The following ZC2HC1C variants were observed in gnomAD, a reference collection of about 807,000 sequenced individuals.
The protein encoded by ZC2HC1C is zinc finger C2HC-type containing 1C, also known as zinc finger C2HC domain-containing protein 1C.
Under a neutral mutation model 39.2 loss-of-function variants are expected in ZC2HC1C, and 25 were observed. The observed-to-expected ratio is 0.64, with a 90% confidence interval of 0.47 to 0.89. The LOEUF (loss-of-function observed/expected upper bound fraction) is 0.89. Among genes scored for constraint, ZC2HC1C ranks in the 40% least tolerant of loss-of-function variants. The pLI is 0.00. For synonymous variants in ZC2HC1C, 209 were observed against 214.4 expected (o/e 0.97, Z 0.22); for missense variants, 519 against 548.6 (o/e 0.95, Z 0.54).
intron 2 of ZC2HC1C, among the ~76,000 whole-genome samples, chr14:75,074,904 A>G (rs1384410818): frequency 1.3e-5 from 2 of 152,082 alleles, no homozygotes; most frequent in African/African-American, 2.4e-5. Flanking sequence ...GCTGGGAGTG[A>G]AGTTCTCTTT....
intron 2 of ZC2HC1C, chr14:75,073,712 C>A: frequency 1.0e-6 from 1 of 972,772 alleles, no homozygotes; most frequent in Non-Finnish European, 1.4e-6. Flanking sequence ...GGACTGTAAG[C>A]ATTTTTGAGG....
chr14:75,073,766 G>A (rs1893534449), intron 2 of ZC2HC1C: 1 of 426,008 alleles, frequency 2.3e-6, no homozygotes. Flanking sequence ...AGTGTTAACT[G>A]AATAGAATTT....
At chr14:75,073,472 T>C in intron 2 of ZC2HC1C, 1 of 729,770 alleles carries the variant, frequency 1.4e-6, no homozygotes, top group Non-Finnish European at 2.1e-6. Context: ...TGGCAACTAG[T>C]TTGTGGGAAT....
At chr14:75,077,359 C>T (rs1272124168) in intron 2 of ZC2HC1C, among the ~76,000 whole-genome samples, 173 bp from the exon 3 acceptor site, 1 of 152,200 alleles carries the variant, frequency 6.6e-6, no homozygotes, top group Admixed American at 6.5e-5. Flanking sequence ...ACCTCCTTTG[C>T]AGGCCCTTGG....
intron 2 of ZC2HC1C, among the ~76,000 whole-genome samples, chr14:75,077,293 T>A (rs1353199179): frequency 6.6e-6 from 1 of 152,146 alleles, no homozygotes; most frequent in African/African-American, 2.4e-5. Context: ...TATCGGGTAC[T>A]TCCAAGCACT....
At chr14:75,073,651 T>C (rs1301032048) in intron 2 of ZC2HC1C, 21 of 1,286,886 alleles carry the variant, frequency 1.6e-5, no homozygotes, top group Non-Finnish European at 2.1e-5. Context: ...TTTCCTGGTA[T>C]CCTTTAATCT....
intron 2 of ZC2HC1C, among the ~76,000 whole-genome samples, chr14:75,076,424 A>C (rs1268986196): frequency 6.6e-6 from 1 of 152,012 alleles, no homozygotes; most frequent in African/African-American, 2.4e-5. Flanking sequence ...GTGTGCCACC[A>C]CGCCCAGCTA....
At chr14:75,072,111 T>C (rs1340186949) in intron 2 of ZC2HC1C, among the ~76,000 whole-genome samples, 200 bp downstream of exon 2, 1 of 152,234 alleles carries the variant, frequency 6.6e-6, no homozygotes, top group Admixed American at 6.5e-5. Context: ...TCTCATTGTA[T>C]CAGTTCAAAA....
rs1342529122 is a variant in ZC2HC1C, at chr14:75,078,456, A to G, written c.*892A>G. ...GGGTAGGGATGGGTGTTGGGGGGGA[A>G]ACACATTATACTTCTCTCTACTTGT... On this transcript the variant is annotated 3_prime_UTR_variant, in exon 3 of 3. Coordinates refer to ENST00000524913, the MANE Select transcript of ZC2HC1C (RefSeq NM_024643.4). The G allele has an allele frequency of 6.6e-6, 1 of 152,160 alleles. No individual in the cohort carries two copies. The highest frequency in any genetic ancestry group is 1.5e-5 in the Non-Finnish European group (1 of 68,026). 9.4% of individuals were successfully genotyped at this position (152,160 alleles called of 1,614,324 possible).
At chr14:75,076,660 CT>C (rs1375576359) in intron 2 of ZC2HC1C, among the ~76,000 whole-genome samples, 6 of 152,092 alleles carry the variant, frequency 3.9e-5, no homozygotes, top group Admixed American at 3.9e-4. Flanking sequence ...ACAGTATACT[CT>C]TCTTGTTTTA....
intron 2 of ZC2HC1C, among the ~76,000 whole-genome samples, chr14:75,072,690 A>G (rs1893484284): frequency 6.6e-6 from 1 of 152,214 alleles, no homozygotes; most frequent in Admixed American, 6.5e-5. Flanking sequence ...TAAATGAATG[A>G]CATGTCAAGG....
At chr14:75,077,437 T>G (rs1893728342) in intron 2 of ZC2HC1C, 95 bp from the exon 3 acceptor site, 2 of 1,514,544 alleles carry the variant, frequency 1.3e-6, no homozygotes, top group Non-Finnish European at 1.8e-6. Flanking sequence ...CCTTGCAGAT[T>G]AGTACCCTTT....
rs945787249 is a variant in ZC2HC1C at position 75,071,211 on chromosome 14, T to G, written c.638T>G (p.Ile213Ser). Residue 213 changes from isoleucine to serine, a missense_variant, in exon 2 of 3, where the codon ATC becomes AGC. Transcript: ENST00000524913. ...TTTGACAGGACGGAGTGGGTGCAGATCCGAAGACTAGAAGCTGCAGGGGAG... is the reference window on the plus strand; with the variant it reads ...TTTGACAGGACGGAGTGGGTGCAGAGCCGAAGACTAGAAGCTGCAGGGGAG... ...ANFDRTEWVQ[I>S]RRLEAAGESL... 4 of 1,614,060 alleles carry G rather than the reference T, an allele frequency of 2.5e-6. No homozygotes were observed. The Admixed American group carries it at 6.7e-5, about 27-fold the overall frequency.
chr14:75,075,170 G>A (rs758402593), intron 2 of ZC2HC1C, among the ~76,000 whole-genome samples: 1 of 152,074 alleles, frequency 6.6e-6, no homozygotes, highest in Non-Finnish European at 1.5e-5. Context: ...ATCTGTTAAC[G>A]TTTTTGTAAT....
rs1014273000 is a variant in ZC2HC1C, at chr14:75,078,360, G to A, written c.*796G>A. 1 of 152,144 alleles carries A rather than the reference G, an allele frequency of 6.6e-6. No individual in the cohort carries two copies. Among genetic ancestry groups the A allele is most frequent in the African/African-American group, 2.4e-5 (1 of 41,412 alleles). 9.4% of individuals were successfully genotyped at this position (152,144 alleles called of 1,614,324 possible). A position where few individuals can be genotyped will look rare whatever the true frequency, so the allele number is the denominator to read the frequency against. On this transcript the variant is annotated 3_prime_UTR_variant, in exon 3 of 3. Coordinates refer to ENST00000524913, the MANE Select transcript of ZC2HC1C (RefSeq NM_024643.4). ...ACCCAATACAAGTATGTAAGGTTAA[G>A]GCACCAATGTCTCCTAAACCTTCCC...
chr14:75,073,731 C>G (rs72736209), intron 2 of ZC2HC1C: 30,377 of 756,926 alleles, frequency 0.04, 773 homozygotes, highest in South Asian at 0.048. Context: ...GGACAGGGAA[C>G]ATATTTTGTG....
chr14:75,072,006 A>G (rs1046531323), intron 2 of ZC2HC1C, 95 bp downstream of exon 2: 3 of 1,476,850 alleles, frequency 2.0e-6, no homozygotes, highest in Non-Finnish European at 1.8e-6. Flanking sequence ...TTCATGTGTC[A>G]TGTAGGAAGA....
intron 2 of ZC2HC1C, among the ~76,000 whole-genome samples, chr14:75,073,800 T>C (rs1893535668): frequency 6.6e-6 from 1 of 152,230 alleles, no homozygotes; most frequent in African/African-American, 2.4e-5. Context: ...AATAAAATTA[T>C]AGGAATTAGA....
intron 2 of ZC2HC1C, chr14:75,073,540 C>T (rs746878705): frequency 2.3e-6 from 3 of 1,286,234 alleles, no homozygotes; most frequent in African/African-American, 1.5e-5. Context: ...ACCTGCACCA[C>T]CCTGGTAATG....
Sources: allele counts gnomAD v4.1 joint callset (sites outside exome capture counted in the v4.1 genomes callset), GRCh38; gene constraint gnomAD v4.1.1; transcripts MANE v1.5; gene names NCBI Gene and HGNC (gene_info 2026-07-23, HGNC 2026-07-21).